RGS12: variants seen among roughly 807,000 people sequenced by gnomAD.
The protein encoded by RGS12 is regulator of G protein signaling 12.
A neutral mutation model predicts 120.1 loss-of-function variants in RGS12; 66 were observed. The ratio of observed to expected loss-of-function variants is 0.55; its 90% CI spans 0.45 to 0.67. RGS12 has a LOEUF of 0.67. Among genes scored for constraint, RGS12 ranks in the 30% least tolerant of loss-of-function variants. The pLI, the probability that RGS12 is intolerant of heterozygous loss-of-function variation, is 0.00. For missense variants in RGS12, 1,859 were observed against 1,957.7 expected, an observed-to-expected ratio of 0.95 and a Z score of 0.95; for synonymous variants, 827 against 804.7, an observed-to-expected ratio of 1.03 and a Z score of -0.47.
intron 3 of RGS12, among the ~76,000 whole-genome samples, chr4:3,376,708 CCTTGGAGGG>C: frequency 6.6e-6 from 1 of 152,204 alleles, no homozygotes; most frequent in Non-Finnish European, 1.5e-5. Context: ...TTTGCCGGTC[CCTTGGAGGG>C]TCATGGCTGG....
intron 3 of RGS12, among the ~76,000 whole-genome samples, chr4:3,383,467 C>T (rs1718476466): frequency 6.6e-6 from 1 of 151,966 alleles, no homozygotes; most frequent in South Asian, 2.1e-4. Flanking sequence ...AGTAGCTGAG[C>T]ATGTTGGTGA....
chr4:3,363,127 G>A (rs887188930), intron 3 of RGS12, among the ~76,000 whole-genome samples: 1 of 149,810 alleles, frequency 6.7e-6, no homozygotes, highest in Admixed American at 6.6e-5. Context: ...GTGCGCATCA[G>A]TGAGTGTGGG....
rs1195022464 is a variant in RGS12 at position 3,374,917 on chromosome 4, T to C, written c.1999-11499T>C. 6.6e-6 allele frequency among the ~76,000 whole-genome samples: 1 copy of C among 152,178 alleles called. No individual in the cohort carries two copies. Among genetic ancestry groups the C allele is most frequent in the Admixed American group, 6.5e-5 (1 of 15,276 alleles). On this transcript the variant is annotated intron_variant, in intron 3 of 17. Coordinates refer to ENST00000336727, the MANE Select transcript of RGS12 (RefSeq NM_001394154.1). This position sits in a 1 kb window ranked among gnomAD's most constrained non-coding sequence, Gnocchi z 6.3. ...CAGTTTGGGGTTTGCATGTTGATTT[T>C]GTACATCCAGCATCTCAGGATGGCT...
At chr4:3,422,867 G>C (rs1723179537) in intron 11 of RGS12, 38 bp from the exon 12 acceptor site, 1 of 1,579,772 alleles carries the variant, frequency 6.3e-7, no homozygotes, top group African/African-American at 1.3e-5. Context: ...GGGGCTGCCT[G>C]CTGTGCCCAC....
chr4:3,376,069 C>G (rs78223766), intron 3 of RGS12, among the ~76,000 whole-genome samples: 3 of 152,338 alleles, frequency 2.0e-5, no homozygotes, highest in African/African-American at 4.8e-5. Context: ...CAGATGGCCC[C>G]TACTGCTGTC....
chr4:3,427,970 C>A, intron 14 of RGS12, 120 bp from the exon 15 acceptor site: 2 of 924,008 alleles, frequency 2.2e-6, no homozygotes, highest in Non-Finnish European at 3.5e-6. Context: ...TGAATAAGGG[C>A]AGCAGATGCC....
chr4:3,369,346 G>A (rs187903200), intron 3 of RGS12, among the ~76,000 whole-genome samples: 3 of 152,346 alleles, frequency 2.0e-5, no homozygotes, highest in Admixed American at 6.5e-5. Context: ...ACTCTCGTGC[G>A]GGGAATGCTC....
chr4:3,387,467 C>G (rs1338932324), intron 4 of RGS12, among the ~76,000 whole-genome samples: 1 of 152,204 alleles, frequency 6.6e-6, no homozygotes, highest in Non-Finnish European at 1.5e-5. Context: ...GCTCAGAGCC[C>G]TTGTGGGCCA....
At chr4:3,327,281 C>T (rs1238884794) in intron 2 of RGS12, among the ~76,000 whole-genome samples, 1 of 152,144 alleles carries the variant, frequency 6.6e-6, no homozygotes, top group East Asian at 1.9e-4. Flanking sequence ...TCTCACCATA[C>T]ACAAAATCAA....
intron 3 of RGS12, among the ~76,000 whole-genome samples, chr4:3,384,342 C>T (rs1718591588): frequency 6.6e-6 from 1 of 152,080 alleles, no homozygotes; most frequent in Non-Finnish European, 1.5e-5. Flanking sequence ...TTAGTAGAGA[C>T]GAGGTCTCTT....
intron 3 of RGS12, among the ~76,000 whole-genome samples, chr4:3,383,763 C>T (rs776392035): frequency 1.2e-4 from 18 of 152,244 alleles, no homozygotes; most frequent in Admixed American, 4.6e-4. Flanking sequence ...TCTAGCCCTA[C>T]GTGCCCGCAG....
At chr4:3,294,949 C>T (rs938378024) in intron 1 of RGS12, among the ~76,000 whole-genome samples, 31 of 151,924 alleles carry the variant, frequency 2.0e-4, no homozygotes, top group African/African-American at 6.1e-4. Flanking sequence ...GCAGGGGTGG[C>T]GCGGCCTGAG....
chr4:3,315,242 G>A (rs1369384559), intron 1 of RGS12, among the ~76,000 whole-genome samples: 2 of 152,190 alleles, frequency 1.3e-5, no homozygotes. Context: ...TCGCTGTAAT[G>A]AATCTCAGCT....
At chr4:3,305,536 GAC>G (rs1486760951) in intron 1 of RGS12, among the ~76,000 whole-genome samples, 3 of 152,240 alleles carry the variant, frequency 2.0e-5, no homozygotes, top group African/African-American at 7.2e-5. Flanking sequence ...GAACTAGAGA[GAC>G]ACGCCGTCAG....
At chr4:3,427,784 G>GT (rs1723812408) in intron 14 of RGS12, among the ~76,000 whole-genome samples, 1 of 152,176 alleles carries the variant, frequency 6.6e-6, no homozygotes, top group South Asian at 2.1e-4. Context: ...TGTCATAAAT[G>GT]TAAGACTCTG....
At chr4:3,332,252 G>A (rs1444438657) in intron 2 of RGS12, among the ~76,000 whole-genome samples, 1 of 152,228 alleles carries the variant, frequency 6.6e-6, no homozygotes, top group Non-Finnish European at 1.5e-5. Flanking sequence ...AGTGTCTTAA[G>A]AGTTGGAATC....
chr4:3,420,179 G>A (rs943021725), intron 9 of RGS12, among the ~76,000 whole-genome samples: 5 of 152,206 alleles, frequency 3.3e-5, no homozygotes, highest in African/African-American at 9.6e-5. Flanking sequence ...TCTGGAGGCC[G>A]CATCCGGCTG....
intron 6 of RGS12, among the ~76,000 whole-genome samples, chr4:3,415,720 T>A (rs780023236): frequency 1.3e-5 from 2 of 152,266 alleles, no homozygotes; most frequent in Non-Finnish European, 2.9e-5. Flanking sequence ...ACGGCAGTAT[T>A]GCCCCTGCGC....
intron 3 of RGS12, among the ~76,000 whole-genome samples, chr4:3,351,159 T>G (rs2108803046): frequency 6.6e-6 from 1 of 152,274 alleles, no homozygotes; most frequent in Middle Eastern, 3.4e-3. Flanking sequence ...GAATTTAGGG[T>G]TGAATATTCA....
Sources: allele counts gnomAD v4.1 joint callset (sites outside exome capture counted in the v4.1 genomes callset), GRCh38; gene constraint gnomAD v4.1.1; non-coding constraint Gnocchi (gnomAD v3.1); transcripts MANE v1.5; gene names NCBI Gene and HGNC (gene_info 2026-07-23, HGNC 2026-07-21).